Variants in PLEKHS1 observed in about 807,000 individuals in gnomAD.
PLEKHS1 encodes the protein pleckstrin homology domain containing S1.
Under a neutral mutation model 51.0 loss-of-function variants are expected in PLEKHS1, and 55 were observed. The observed-to-expected ratio is 1.08, with a 90% CI of 0.87 to 1.35. The LOEUF is 1.35. Among genes scored for constraint, PLEKHS1 ranks in the 40% most tolerant of loss-of-function variants. The probability of loss-of-function intolerance (pLI) is 0.00; values close to 1 mark genes in which losing one functional copy is unlikely to be tolerated. For synonymous variants in PLEKHS1, 153 were observed against 144.8 expected (o/e 1.06, Z -0.41); for missense variants, 398 against 423.0 (o/e 0.94, Z 0.52).
At chr10:113,768,835 T>C (rs759128914) in exon 6 of PLEKHS1, 1 of 1,613,618 alleles carries the variant, frequency 6.2e-7, no homozygotes, top group Non-Finnish European at 8.5e-7. Flanking sequence ...AAAGACTGGG[T>C]CTCCTTCATG....
chr10:113,766,379 G>A (rs777248966), intron 2 of PLEKHS1, 32 bp from the exon 3 acceptor site: 1 of 1,326,318 alleles, frequency 7.5e-7, no homozygotes, highest in Middle Eastern at 1.8e-4. Context: ...AAATTTATGA[G>A]GAACAAACTG....
At chr10:113,762,284 G>GTTGTTT (rs1407092604) in intron 2 of PLEKHS1, among the ~76,000 whole-genome samples, 1 of 143,446 alleles carries the variant, frequency 7.0e-6, no homozygotes, top group African/African-American at 2.6e-5. Flanking sequence ...GGTTGTCTCT[G>GTTGTTT]TTGTTTTTCT....
intron 6 of PLEKHS1, among the ~76,000 whole-genome samples, chr10:113,769,574 G>A (rs1477865406): frequency 2.0e-5 from 3 of 152,200 alleles, no homozygotes; most frequent in Non-Finnish European, 1.5e-5. Context: ...GGTCATCTCT[G>A]AGGGTCAGGC....
intron 2 of PLEKHS1, among the ~76,000 whole-genome samples, chr10:113,762,254 G>A (rs1843963484): frequency 1.3e-5 from 2 of 151,306 alleles, no homozygotes; most frequent in African/African-American, 4.8e-5. Flanking sequence ...TCTTTTTAAT[G>A]GATTAACTTT....
chr10:113,756,917 T>A (rs993664776), intron 2 of PLEKHS1, among the ~76,000 whole-genome samples: 1 of 145,968 alleles, frequency 6.9e-6, no homozygotes, highest in African/African-American at 2.5e-5. Context: ...ATTGGTCTTT[T>A]TTTTTTTTTT....
rs371270132 is a variant in PLEKHS1, at chr10:113,768,850, C to G, written c.395C>G (p.Ser132Ter). The change falls in exon 6 of 12, where the codon TCA becomes TGA. Residue 132 changes from serine to a stop codon, truncating the protein, a stop_gained. Transcript: ENST00000361048. LOFTEE classifies it high-confidence loss of function. The stretch of plus-strand genomic sequence containing the variant: ...AAAGACTGGGTCTCCTTCATGTCAT[C>G]ATTTCGCCAGGATATAAAAGCAACA... 42 of 1,613,642 alleles carry G rather than the reference C, an allele frequency of 2.6e-5. No individual in the cohort carries two copies. The East Asian group carries it at 4.0e-4, about 15-fold the overall frequency.
intron 2 of PLEKHS1, among the ~76,000 whole-genome samples, chr10:113,757,456 T>C (rs1434758234): frequency 6.6e-6 from 1 of 152,230 alleles, no homozygotes; most frequent in African/African-American, 2.4e-5. Context: ...TAGTCGAGTG[T>C]GTAATAGCAT....
intron 2 of PLEKHS1, among the ~76,000 whole-genome samples, chr10:113,762,487 A>T (rs1357837762): frequency 6.7e-6 from 1 of 148,904 alleles, no homozygotes; most frequent in African/African-American, 2.5e-5. Flanking sequence ...CCATTAAAAA[A>T]TTTTTCCCTA....
At chr10:113,777,147 C>A (rs17853596) in intron 11 of PLEKHS1, 8 of 1,612,608 alleles carry the variant, frequency 5.0e-6, no homozygotes, top group South Asian at 2.2e-5. Flanking sequence ...GAAGGCCCCC[C>A]ACGTTTGGGA....
chr10:113,753,969 G>T (rs997579575), intron 1 of PLEKHS1, among the ~76,000 whole-genome samples: 1 of 151,830 alleles, frequency 6.6e-6, no homozygotes, highest in African/African-American at 2.4e-5. Flanking sequence ...CACCACGCTC[G>T]GCCAATTTTT....
intron 2 of PLEKHS1, among the ~76,000 whole-genome samples, chr10:113,761,519 C>A (rs1402422189): frequency 3.4e-5 from 5 of 145,196 alleles, no homozygotes; most frequent in East Asian, 4.3e-4. Context: ...ACCCTAGGTA[C>A]TTTTTTCTTT....
At chr10:113,767,638 G>A (rs1238626745) in intron 5 of PLEKHS1, among the ~76,000 whole-genome samples, 159 bp downstream of exon 5, 1 of 152,182 alleles carries the variant, frequency 6.6e-6, no homozygotes, top group East Asian at 1.9e-4. Context: ...ATCTTGAAAA[G>A]TTACTGAGCT....
intron 11 of PLEKHS1, 111 bp downstream of exon 11, chr10:113,775,977 G>GGGA: frequency 1.3e-6 from 1 of 750,976 alleles, no homozygotes; most frequent in Non-Finnish European, 2.1e-6. Flanking sequence ...TTTGGGGCGG[G>GGGA]GGAGCTTGGA....
intron 2 of PLEKHS1, among the ~76,000 whole-genome samples, chr10:113,764,164 T>C (rs928115608): frequency 2.0e-5 from 3 of 152,098 alleles, no homozygotes; most frequent in African/African-American, 7.2e-5. Flanking sequence ...GCAGTGGCGC[T>C]ATCTCGGCTC....
chr10:113,760,873 A>G (rs1196099090), intron 2 of PLEKHS1, among the ~76,000 whole-genome samples: 1 of 152,230 alleles, frequency 6.6e-6, no homozygotes, highest in Non-Finnish European at 1.5e-5. Flanking sequence ...ATATCTAAGA[A>G]TACATTGTCA....
At chr10:113,755,302 C>T in exon 2 of PLEKHS1, 1 of 1,607,876 alleles carries the variant, frequency 6.2e-7, no homozygotes, top group Non-Finnish European at 8.5e-7. Flanking sequence ...TCAGAAGAGT[C>T]CAGGTACCCG....
intron 2 of PLEKHS1, among the ~76,000 whole-genome samples, chr10:113,757,118 G>A (rs930246874): frequency 9.2e-5 from 14 of 151,970 alleles, no homozygotes; most frequent in Admixed American, 4.6e-4. Flanking sequence ...TTTCACCATC[G>A]TGGCCAGGCT....
At chr10:113,774,083 T>C (rs572500571) in intron 8 of PLEKHS1, 144 bp from the exon 9 acceptor site, 3 of 563,736 alleles carry the variant, frequency 5.3e-6, no homozygotes, top group Admixed American at 3.9e-5. Flanking sequence ...GTAAGGTTGG[T>C]TGATATTTCT....
At chr10:113,751,759 C>G (rs1021416460) in exon 1 of PLEKHS1, 1 of 152,160 alleles carries the variant, frequency 6.6e-6, no homozygotes, top group African/African-American at 2.4e-5. Context: ...CTCTTGGCTT[C>G]CAGTAAGTAC....
Sources: gnomAD v4.1 joint callset for allele counts (sites outside exome capture counted in the v4.1 genomes callset) on GRCh38, gnomAD v4.1.1 for gene constraint, MANE v1.5 for transcripts, NCBI Gene and HGNC (gene_info 2026-07-23, HGNC 2026-07-21) for gene names.